Variants in SLC16A7 observed in about 807,000 individuals in gnomAD.
SLC16A7 encodes monocarboxylate transporter 2.
SLC16A7 carries 33 observed loss-of-function variants against 34.9 expected under a neutral mutation model. The observed-to-expected ratio is 0.94, with a 90% confidence interval of 0.72 to 1.26. The LOEUF (loss-of-function observed/expected upper bound fraction) is 1.26, where lower values mean the gene tolerates loss of function less well. SLC16A7 is among the 50% of genes most tolerant of loss of function. The pLI is 0.00. For synonymous variants in SLC16A7, 201 were observed against 206.6 expected (o/e 0.97, Z 0.23); for missense variants, 573 against 578.1 (o/e 0.99, Z 0.09).
intron 1 of SLC16A7, among the ~76,000 whole-genome samples, chr12:59,631,043 T>C (rs1314408358): frequency 3.3e-5 from 5 of 151,952 alleles, no homozygotes; most frequent in Admixed American, 3.3e-4. Context: ...AAATTAGAAA[T>C]GTTTTAGAAT....
At chr12:59,642,138 A>T (rs1880713565) in intron 1 of SLC16A7, among the ~76,000 whole-genome samples, 2 of 152,080 alleles carry the variant, frequency 1.3e-5, no homozygotes, top group Admixed American at 1.3e-4. Context: ...TGCATAGATG[A>T]TCTAACAAGT....
chr12:59,647,275 G>C (rs1868264310), intron 1 of SLC16A7, among the ~76,000 whole-genome samples: 1 of 152,108 alleles, frequency 6.6e-6, no homozygotes, highest in Non-Finnish European at 1.5e-5. Flanking sequence ...GGGACCTGAT[G>C]GGAGGTAATG....
intron 2 of SLC16A7, among the ~76,000 whole-genome samples, chr12:59,684,312 A>G (rs1161640741): frequency 1.3e-5 from 2 of 152,256 alleles, no homozygotes; most frequent in Admixed American, 6.5e-5. Context: ...ATTAAAAATC[A>G]TAAGTAAATG....
chr12:59,730,958 T>C (rs1876882191), intron 3 of SLC16A7, among the ~76,000 whole-genome samples: 1 of 152,156 alleles, frequency 6.6e-6, no homozygotes, highest in Non-Finnish European at 1.5e-5. Flanking sequence ...TGGGGGAGGT[T>C]GTCACTCTAT....
At chr12:59,650,710 C>T (rs901936267) in intron 1 of SLC16A7, among the ~76,000 whole-genome samples, 1 of 152,096 alleles carries the variant, frequency 6.6e-6, no homozygotes, top group African/African-American at 2.4e-5. Flanking sequence ...CCCTGCTGTG[C>T]TCAGGCGTGG....
At chr12:59,705,362 C>A (rs1873444891) in intron 3 of SLC16A7, among the ~76,000 whole-genome samples, 1 of 152,106 alleles carries the variant, frequency 6.6e-6, no homozygotes, top group East Asian at 1.9e-4. Context: ...CAATCGCTAC[C>A]TCTGGTAGAA....
chr12:59,745,980 G>A (rs1451023969), intron 3 of SLC16A7, among the ~76,000 whole-genome samples: 1 of 152,182 alleles, frequency 6.6e-6, no homozygotes, highest in Non-Finnish European at 1.5e-5. Context: ...GTCACATGAT[G>A]AATGGGACAT....
intron 1 of SLC16A7, among the ~76,000 whole-genome samples, chr12:59,607,478 A>C (rs1878998591): frequency 6.6e-6 from 1 of 152,184 alleles, no homozygotes; most frequent in African/African-American, 2.4e-5. Context: ...GAAACATTTG[A>C]ATCAACTAAT....
At position 59,610,804 on chromosome 12, in the gene SLC16A7, G is replaced by C. The variant is rs35054276; in HGVS notation, c.-130+14568G>C. On this transcript the variant is annotated intron_variant, in intron 1 of 5. Transcript: ENST00000547379. ...ACACTGTTCTGAAATACATAATTGA[G>C]ATAATATATGTTTCTAACTGTGAGG... is the stretch of plus-strand genomic sequence containing the variant. 9.4e-3 allele frequency among the ~76,000 whole-genome samples: 1,434 copies of C among 152,340 alleles called. 11 individuals are homozygous for C. The highest frequency in any genetic ancestry group is 0.013 in the Non-Finnish European group (889 of 68,018).
At chr12:59,739,266 T>A (rs1024052086) in intron 3 of SLC16A7, among the ~76,000 whole-genome samples, 1 of 139,292 alleles carries the variant, frequency 7.2e-6, no homozygotes, top group African/African-American at 2.7e-5. Flanking sequence ...ATTGTTCAAT[T>A]CCCACCTATG....
At chr12:59,674,535 A>G (rs1870145495) in intron 2 of SLC16A7, among the ~76,000 whole-genome samples, 1 of 152,190 alleles carries the variant, frequency 6.6e-6, no homozygotes, top group Admixed American at 6.5e-5. Flanking sequence ...AGGTGGGGAA[A>G]GCAGAGGAAA....
intron 3 of SLC16A7, chr12:59,720,240 A>C (rs2137199280): frequency 2.0e-6 from 1 of 512,440 alleles, no homozygotes. Flanking sequence ...AGTTGACTAA[A>C]ATTTATTAGG....
rs1883741841 is a variant in SLC16A7 at position 59,788,022 on chromosome 12, C to A, written c.*8343C>A. 2 of 152,128 alleles carry A rather than the reference C, an allele frequency of 1.3e-5. No individual in the cohort carries two copies. Among genetic ancestry groups the A allele is most frequent in the Admixed American group, 1.3e-4 (2 of 15,264 alleles). 9.4% of individuals were successfully genotyped at this position (152,128 alleles called of 1,614,324 possible). On this transcript the variant is annotated 3_prime_UTR_variant, in exon 6 of 6. Coordinates refer to ENST00000547379, the MANE Select transcript of SLC16A7 (RefSeq NM_001270623.2). ...ATTTGAAGCTTTTTATGTAAAAGTT[C>A]TTCTCCCAGATATTTTAAACCAGTA...
Position 59,669,652 on chromosome 12 carries a change from TCACACACACACACA to T in SLC16A7, c.-31+14422_-31+14435del, listed in dbSNP as rs144456899. ...CTCTTTAGCAGTTACCCATAGATAGTCACACACACACACACACACACACACACACACACGATTTA... is the reference window on the plus strand; with the variant it reads ...CTCTTTAGCAGTTACCCATAGATAGTCACACACACACACACACACGATTTA... On this transcript the variant is annotated intron_variant, in intron 2 of 5. Coordinates refer to ENST00000547379, the MANE Select transcript of SLC16A7 (RefSeq NM_001270623.2). 3.6e-5 allele frequency among the ~76,000 whole-genome samples: 5 copies of T among 139,614 alleles called. No homozygotes were observed. In the South Asian group the frequency reaches 7.1e-4, roughly 20 times the overall value. The allele number at this position is 139,614 out of a possible 152,430, so 91.6% of individuals were successfully genotyped here.
Position 59,730,292 on chromosome 12 carries a change from T to TC in SLC16A7, c.217+25277dup, listed in dbSNP as rs1876788275. Among the ~76,000 whole-genome samples the TC allele has an allele frequency of 2.0e-5, 3 of 150,670 alleles. No individual in the cohort carries two copies. The South Asian group carries it at 6.3e-4, about 32-fold the overall frequency. On this transcript the variant is annotated intron_variant, in intron 3 of 5. Coordinates refer to ENST00000547379, the MANE Select transcript of SLC16A7 (RefSeq NM_001270623.2). ...TACCAAAAATAACTTAATTTTCTAC[T>TC]CCCGTCCACATGGATAGTCTTATGT...
chr12:59,720,205 T>C (rs1158222441), intron 3 of SLC16A7: 1 of 622,766 alleles, frequency 1.6e-6, no homozygotes, highest in Admixed American at 2.8e-5. Flanking sequence ...CCTAAGTTAT[T>C]GTTAATTGTT....
At chr12:59,676,368 A>G (rs558560332) in intron 2 of SLC16A7, among the ~76,000 whole-genome samples, 14 of 152,136 alleles carry the variant, frequency 9.2e-5, no homozygotes, top group Non-Finnish European at 1.8e-4. Flanking sequence ...TTAAAGTACA[A>G]TTATTTTTAG....
At chr12:59,684,172 T>C (rs144304423) in intron 2 of SLC16A7, among the ~76,000 whole-genome samples, 1 of 152,184 alleles carries the variant, frequency 6.6e-6, no homozygotes, top group Non-Finnish European at 1.5e-5. Context: ...AAAGAGGACA[T>C]TTTTCCTACT....
chr12:59,781,304 T>C lies in SLC16A7; in HGVS notation c.*1625T>C, dbSNP rs1055248444. On this transcript the variant is annotated 3_prime_UTR_variant, in exon 6 of 6. Transcript: ENST00000547379. ...TTTAACATGATTAATTTAAAAAGTA[T>C]TTAGTGCTTGACAAAGTAGTGTCAC... is the stretch of plus-strand genomic sequence containing the variant. 1 of 152,538 alleles carries C rather than the reference T, an allele frequency of 6.6e-6. No individual in the cohort carries two copies. Among genetic ancestry groups the C allele is most frequent in the African/African-American group, 2.4e-5 (1 of 41,436 alleles). The allele number at this position is 152,538 out of a possible 1,614,324, so 9.4% of individuals were successfully genotyped here. A position where few individuals can be genotyped will look rare whatever the true frequency, so the allele number is the denominator to read the frequency against.
Sources: gnomAD v4.1 joint callset for allele counts (sites outside exome capture counted in the v4.1 genomes callset) on GRCh38, gnomAD v4.1.1 for gene constraint, MANE v1.5 for transcripts, NCBI Gene and HGNC (gene_info 2026-07-23, HGNC 2026-07-21) for gene names.